The following OR51B5 variants were observed in gnomAD, a reference collection of about 807,000 sequenced individuals.
OR51B5 encodes the protein olfactory receptor family 51 subfamily B member 5.
For synonymous variants in OR51B5, 186 were observed against 144.8 expected, an observed-to-expected ratio of 1.28 and a Z score of -2.04; for missense variants, 456 against 374.6, an observed-to-expected ratio of 1.22 and a Z score of -1.79.
downstream of OR51B5, chr11:5,340,857 TAAAATAAGTTGTGGATGTAGTAGAGCATA>T (rs1848882223): frequency 6.6e-6 from 1 of 152,172 alleles, no homozygotes. Flanking sequence ...TTTTTATGAA[TAAAATAAGTTGTGGATGTAGTAGAGCATA>T]ATTAAGGGAC....
chr11:5,395,748 G>C (rs138662972), intron 1 of OR51B5, among the ~76,000 whole-genome samples: 43 of 152,300 alleles, frequency 2.8e-4, no homozygotes, highest in African/African-American at 8.9e-4. Flanking sequence ...GAAAGATTCA[G>C]TAACTTTGCC....
At chr11:5,363,229 CCAACCCCTCACACACACACACACACACA>C (rs1467117856) in intron 1 of OR51B5, among the ~76,000 whole-genome samples, 4 of 76,792 alleles carry the variant, frequency 5.2e-5, no homozygotes, top group African/African-American at 2.2e-4. Context: ...CACAACGAAC[CCAACCCCTCACACACACACACACACACA>C]CACACACACA....
At chr11:5,403,754 T>G (rs191699738) in intron 1 of OR51B5, among the ~76,000 whole-genome samples, 1 of 152,056 alleles carries the variant, frequency 6.6e-6, no homozygotes, top group Non-Finnish European at 1.5e-5. Flanking sequence ...AAGTGAGGCT[T>G]TTTTAAAACA....
chr11:5,472,214 G>T (rs1590016839), intron 1 of OR51B5, among the ~76,000 whole-genome samples: 1 of 152,140 alleles, frequency 6.6e-6, no homozygotes, highest in South Asian at 2.1e-4. Flanking sequence ...AACTAGATGG[G>T]GGATGTGCAT....
intron 1 of OR51B5, among the ~76,000 whole-genome samples, chr11:5,401,995 TG>T (rs1849977799): frequency 1.3e-5 from 2 of 150,988 alleles, no homozygotes; most frequent in Admixed American, 6.6e-5. Flanking sequence ...TCCCGCTTGC[TG>T]TTCTCTTTTT....
intron 1 of OR51B5, among the ~76,000 whole-genome samples, chr11:5,439,794 G>C (rs759904625): frequency 3.9e-5 from 6 of 152,130 alleles, no homozygotes; most frequent in African/African-American, 1.4e-4. Flanking sequence ...TGTCAGAAAA[G>C]AGAAACATTG....
At chr11:5,483,999 GAC>G (rs1851464968) in intron 1 of OR51B5, among the ~76,000 whole-genome samples, 1 of 152,044 alleles carries the variant, frequency 6.6e-6, no homozygotes, top group Non-Finnish European at 1.5e-5. Flanking sequence ...TTTGCATCCA[GAC>G]ACACACCTCC....
At chr11:5,494,838 G>A (rs1217932853) in intron 1 of OR51B5, among the ~76,000 whole-genome samples, 2 of 152,110 alleles carry the variant, frequency 1.3e-5, no homozygotes, top group Admixed American at 1.3e-4. Context: ...AAAATCTTTG[G>A]TACATCTTGT....
intron 1 of OR51B5, among the ~76,000 whole-genome samples, chr11:5,356,226 G>A (rs971638292): frequency 1.3e-5 from 2 of 152,040 alleles, no homozygotes; most frequent in Non-Finnish European, 2.9e-5. Context: ...TAAAAACCTT[G>A]AAAATAAATT....
At chr11:5,372,963 C>T (rs2340655) in intron 1 of OR51B5, among the ~76,000 whole-genome samples, 89,173 of 151,978 alleles carry the variant, frequency 0.59, 26,265 homozygotes, top group South Asian at 0.7. Context: ...GGTACTATCA[C>T]ATAAATAGAC....
chr11:5,371,676 T>C (rs1382719986), intron 1 of OR51B5, among the ~76,000 whole-genome samples: 2 of 152,140 alleles, frequency 1.3e-5, no homozygotes, highest in African/African-American at 4.8e-5. Flanking sequence ...GATATATGTG[T>C]ACATAGTGAG....
At chr11:5,445,537 A>G (rs1228552034) in intron 1 of OR51B5, among the ~76,000 whole-genome samples, 2 of 152,054 alleles carry the variant, frequency 1.3e-5, no homozygotes, top group African/African-American at 4.8e-5. Flanking sequence ...AGATATTATT[A>G]TCAGCACTTA....
chr11:5,378,511 A>G (rs1849562639), intron 1 of OR51B5, among the ~76,000 whole-genome samples: 2 of 152,218 alleles, frequency 1.3e-5, no homozygotes, highest in Admixed American at 1.3e-4. Context: ...AACTACCATC[A>G]GAGTGAACAG....
chr11:5,379,364 T>G (rs1019856988), intron 1 of OR51B5, among the ~76,000 whole-genome samples: 20 of 151,900 alleles, frequency 1.3e-4, no homozygotes, highest in East Asian at 1.2e-3. Context: ...AATGCTAAAT[T>G]ACGAGTTAAT....
chr11:5,415,166 T>G (rs540450760), intron 1 of OR51B5, among the ~76,000 whole-genome samples: 6 of 152,108 alleles, frequency 3.9e-5, no homozygotes, highest in Non-Finnish European at 4.4e-5. Flanking sequence ...AACCTGCTCC[T>G]GAATGACTAC....
chr11:5,389,403 C>T, intron 1 of OR51B5: 1 of 1,610,602 alleles, frequency 6.2e-7, no homozygotes, highest in Non-Finnish European at 8.5e-7. Flanking sequence ...CGAGGAATGT[C>T]AGTCCAATAT....
At chr11:5,343,799 A>AG (rs1564912589), upstream of OR51B5, among the ~76,000 whole-genome samples, 3 of 152,208 alleles carry the variant, frequency 2.0e-5, no homozygotes, top group Admixed American at 6.5e-5. Flanking sequence ...TCTCTTCAGA[A>AG]AAAAAATTAT....
intron 1 of OR51B5, chr11:5,392,650 C>A (rs188950208): frequency 6.6e-6 from 1 of 152,242 alleles, no homozygotes; most frequent in South Asian, 2.1e-4. Flanking sequence ...CGGTGGCTCA[C>A]GCCTGTAATC....
intron 1 of OR51B5, among the ~76,000 whole-genome samples, chr11:5,445,071 T>C (rs924969702): frequency 5.3e-5 from 8 of 152,154 alleles, no homozygotes; most frequent in African/African-American, 1.7e-4. Flanking sequence ...ACTCAGGCAA[T>C]TGCCCAGTGC....
Sources: allele counts gnomAD v4.1 joint callset (sites outside exome capture counted in the v4.1 genomes callset), GRCh38; gene constraint gnomAD v4.1.1; transcripts MANE v1.5; gene names NCBI Gene and HGNC (gene_info 2026-07-23, HGNC 2026-07-21).